TBCEL: variants seen among roughly 807,000 people sequenced by gnomAD.
The protein encoded by TBCEL is tubulin folding cofactor E like.
Under a neutral mutation model 44.2 loss-of-function variants are expected in TBCEL, and 15 were observed. The observed-to-expected ratio is 0.34, with a 90% CI of 0.23 to 0.52. The LOEUF (loss-of-function observed/expected upper bound fraction) is 0.52. Ranked by LOEUF, TBCEL falls within the 20% of genes least tolerant of loss-of-function variation. The probability of loss-of-function intolerance (pLI) is 0.95; values close to 1 mark genes in which losing one functional copy is unlikely to be tolerated. For synonymous variants in TBCEL, 171 were observed against 185.4 expected (o/e 0.92, Z 0.63); for missense variants, 319 against 506.3 (o/e 0.63, Z 3.55).
intron 2 of TBCEL, among the ~76,000 whole-genome samples, chr11:121,039,237 G>A (rs1279501430): frequency 6.6e-6 from 1 of 152,182 alleles, no homozygotes; most frequent in Non-Finnish European, 1.5e-5. Context: ...TTCATGTGCT[G>A]TTGTTTCCTG....
chr11:121,055,358 T>G, intron 6 of TBCEL, 50 bp downstream of exon 6: 1 of 1,468,234 alleles, frequency 6.8e-7, no homozygotes, highest in Non-Finnish European at 9.1e-7. Context: ...CCTGAGCATA[T>G]GCATGAAATA....
At chr11:121,041,425 C>G (rs2134907468) in intron 2 of TBCEL, among the ~76,000 whole-genome samples, 1 of 152,226 alleles carries the variant, frequency 6.6e-6, no homozygotes, top group Middle Eastern at 3.4e-3. Flanking sequence ...GATCTTGAGG[C>G]ACAAACGAAT....
At chr11:121,053,896 T>G (rs918491823) in intron 5 of TBCEL, among the ~76,000 whole-genome samples, 164 bp downstream of exon 5, 8 of 151,808 alleles carry the variant, frequency 5.3e-5, no homozygotes, top group Non-Finnish European at 7.4e-5. Flanking sequence ...GGTAATCTAG[T>G]AGCATTTCCA....
At chr11:121,076,540 A>G (rs934806382) in intron 8 of TBCEL, among the ~76,000 whole-genome samples, 10 of 152,036 alleles carry the variant, frequency 6.6e-5, no homozygotes, top group African/African-American at 2.2e-4. Context: ...GCCTTGCTAA[A>G]TTTATTTATT....
intron 2 of TBCEL, among the ~76,000 whole-genome samples, chr11:121,042,354 C>A (rs919485855): frequency 2.0e-5 from 3 of 152,056 alleles, no homozygotes; most frequent in Non-Finnish European, 4.4e-5. Context: ...TGGCATAGCA[C>A]CTGCTCTATG....
At chr11:121,032,652 T>G (rs1261446697) in intron 1 of TBCEL, among the ~76,000 whole-genome samples, 2 of 152,148 alleles carry the variant, frequency 1.3e-5, no homozygotes, top group African/African-American at 2.4e-5. Flanking sequence ...AGATGGCATT[T>G]CAACACTACC....
chr11:121,067,389 T>C (rs1297352514), intron 8 of TBCEL, among the ~76,000 whole-genome samples: 1 of 152,250 alleles, frequency 6.6e-6, no homozygotes, highest in Non-Finnish European at 1.5e-5. Context: ...TATTAAGAGC[T>C]TTATAATTTC....
intron 8 of TBCEL, among the ~76,000 whole-genome samples, chr11:121,083,544 C>T (rs1278923739): frequency 6.6e-6 from 1 of 152,122 alleles, no homozygotes; most frequent in Non-Finnish European, 1.5e-5. Flanking sequence ...TGTACTTGCC[C>T]ATTTATGGAA....
At chr11:121,028,663 C>T (rs949637427) in intron 1 of TBCEL, among the ~76,000 whole-genome samples, 2 of 152,186 alleles carry the variant, frequency 1.3e-5, no homozygotes, top group African/African-American at 4.8e-5. Context: ...ATTTTATCTG[C>T]TGTCATGATG....
intron 1 of TBCEL, among the ~76,000 whole-genome samples, chr11:121,028,870 A>G (rs1450791421): frequency 2.0e-5 from 3 of 152,212 alleles, no homozygotes; most frequent in African/African-American, 4.8e-5. Context: ...TCTTTAGAAG[A>G]ATTGGTATCA....
At chr11:121,074,437 C>T (rs1565505296) in intron 8 of TBCEL, among the ~76,000 whole-genome samples, 1 of 152,024 alleles carries the variant, frequency 6.6e-6, no homozygotes, top group African/African-American at 2.4e-5. Context: ...TCTTCAATAG[C>T]ATCTGTGTTG....
At chr11:121,073,753 T>C (rs1945981129) in intron 8 of TBCEL, among the ~76,000 whole-genome samples, 1 of 151,956 alleles carries the variant, frequency 6.6e-6, no homozygotes, top group African/African-American at 2.4e-5. Flanking sequence ...TTTCTATCTC[T>C]ATTTTTCTAA....
At chr11:121,053,303 C>G (rs1298658316) in intron 4 of TBCEL, among the ~76,000 whole-genome samples, 1 of 151,888 alleles carries the variant, frequency 6.6e-6, no homozygotes, top group Non-Finnish European at 1.5e-5. Context: ...AGGAAATCTT[C>G]CTTTTTACCA....
At chr11:121,079,768 GAATGTACTTTTGAATCCCTCCC>G (rs1946091881) in intron 8 of TBCEL, among the ~76,000 whole-genome samples, 1 of 152,150 alleles carries the variant, frequency 6.6e-6, no homozygotes, top group Admixed American at 6.5e-5. Flanking sequence ...AAGATGTTTT[GAATGTACTTTTGAATCCCTCCC>G]AATGCCTTGG....
chr11:121,065,502 G>T (rs552731109), intron 8 of TBCEL, among the ~76,000 whole-genome samples: 2 of 152,278 alleles, frequency 1.3e-5, no homozygotes, highest in African/African-American at 4.8e-5. Context: ...CAATATGTAT[G>T]CAAATTTAAG....
chr11:121,058,705 A>G (rs1945666369), intron 7 of TBCEL, among the ~76,000 whole-genome samples: 2 of 151,876 alleles, frequency 1.3e-5, no homozygotes, highest in African/African-American at 4.8e-5. Context: ...ATATTTCTAC[A>G]AATCTGTTTT....
intron 1 of TBCEL, among the ~76,000 whole-genome samples, chr11:121,034,450 T>C (rs559478682): frequency 2.0e-5 from 3 of 152,202 alleles, no homozygotes; most frequent in Non-Finnish European, 4.4e-5. Context: ...GATACAATTA[T>C]GTATTCTAGC....
chr11:121,088,081 C>T lies in TBCEL; in HGVS notation c.*985C>T, dbSNP rs193272452. The T allele has an allele frequency of 6.6e-6, 1 of 152,270 alleles. No homozygotes were observed. The highest frequency in any genetic ancestry group is 1.9e-4 in the East Asian group (1 of 5,190). 9.4% of individuals were successfully genotyped at this position (152,270 alleles called of 1,614,324 possible). A position where few individuals can be genotyped will look rare whatever the true frequency, so the allele number is the denominator to read the frequency against. ...AGTTGAGAATTAGCTCATAAACTAT[C>T]TGTGGTGTGTGTGGGGAATGAAGTT... On this transcript the variant is annotated 3_prime_UTR_variant, in exon 9 of 9. Coordinates refer to ENST00000683345, the MANE Select transcript of TBCEL (RefSeq NM_001363644.2).
intron 8 of TBCEL, among the ~76,000 whole-genome samples, chr11:121,073,034 A>G (rs1407585115): frequency 6.6e-6 from 1 of 152,116 alleles, no homozygotes; most frequent in Non-Finnish European, 1.5e-5. Context: ...GTACTATTAC[A>G]ACATTGGTAA....
Sources: allele counts gnomAD v4.1 joint callset (sites outside exome capture counted in the v4.1 genomes callset), GRCh38; gene constraint gnomAD v4.1.1; transcripts MANE v1.5; gene names NCBI Gene and HGNC (gene_info 2026-07-23, HGNC 2026-07-21).